KPNA7: variants seen among roughly 807,000 people sequenced by gnomAD.
The protein encoded by KPNA7 is importin subunit alpha-8.
Under a neutral mutation model 53.7 loss-of-function variants are expected in KPNA7, and 54 were observed. The observed-to-expected ratio is 1.01, with a 90% confidence interval of 0.81 to 1.26. The LOEUF (loss-of-function observed/expected upper bound fraction) is 1.26, where lower values mean the gene tolerates loss of function less well. Among genes scored for constraint, KPNA7 ranks in the 50% most tolerant of loss-of-function variants. KPNA7 has a pLI of 0.00. For missense variants in KPNA7, 640 were observed against 644.5 expected (o/e 0.99, Z 0.07); for synonymous variants, 276 against 259.3 (o/e 1.06, Z -0.62).
the KPNA7 span, among the ~76,000 whole-genome samples, chr7:99,162,737 T>A: frequency 6.6e-6 from 1 of 152,152 alleles, no homozygotes; most frequent in African/African-American, 2.4e-5. Context: ...GGCTTCCAGC[T>A]CTTTTAATTA....
rs565062037 is a variant in KPNA7 at position 99,195,223 on chromosome 7, C to T, written c.400G>A (p.Ala134Thr). 1.9e-6 allele frequency: 3 copies of T among 1,551,472 alleles called. No homozygotes were observed. The highest frequency in any genetic ancestry group is 2.6e-6 in the Non-Finnish European group (3 of 1,147,004). Residue 134 changes from alanine (A) to threonine (T), a missense_variant, in exon 5 of 11, where the codon GCT (alanine) becomes ACT (threonine). Coordinates refer to ENST00000327442, the MANE Select transcript of KPNA7 (RefSeq NM_001145715.3). ...SSLYPCLQFE[A>T]AWALTNIASG... ...GCGATGTTGGTCAGGGCCCAGGCAG[C>T]CTCAAACTGCAAGCAGGGGTAAAGT...
At chr7:99,193,244 A>G (rs761020605) in intron 5 of KPNA7, 143 bp from the exon 6 acceptor site, 11 of 516,082 alleles carry the variant, frequency 2.1e-5, no homozygotes, top group Non-Finnish European at 3.7e-5. Flanking sequence ...GCCACGTACT[A>G]AATTCTGGAA....
At chr7:99,160,573 A>G in the KPNA7 span, among the ~76,000 whole-genome samples, 1 of 152,052 alleles carries the variant, frequency 6.6e-6, no homozygotes, top group Admixed American at 6.6e-5. Flanking sequence ...TTCAGGTTTG[A>G]GTCACTGCAC....
At chr7:99,154,569 G>A in the KPNA7 span, among the ~76,000 whole-genome samples, 7 of 144,256 alleles carry the variant, frequency 4.9e-5, no homozygotes, top group South Asian at 4.4e-4. Flanking sequence ...TCGCTCTGTC[G>A]CCCAGGCTGG....
intron 3 of KPNA7, 37 bp from the exon 4 acceptor site, chr7:99,196,203 C>A: frequency 6.9e-7 from 1 of 1,444,002 alleles, no homozygotes; most frequent in South Asian, 1.2e-5. Context: ...GACTGTCTGC[C>A]AAAATGAGCT....
intron 4 of KPNA7, 85 bp downstream of exon 4, chr7:99,195,999 C>A: frequency 6.1e-6 from 7 of 1,138,878 alleles, no homozygotes; most frequent in Non-Finnish European, 8.9e-6. Flanking sequence ...TGCCAAGAAA[C>A]CAAATAGGCC....
the KPNA7 span, among the ~76,000 whole-genome samples, chr7:99,167,370 A>G: frequency 6.6e-6 from 1 of 152,176 alleles, no homozygotes; most frequent in East Asian, 1.9e-4. Flanking sequence ...AGCGAAGCTG[A>G]GCTCCGCCTC....
chr7:99,177,210 A>C (rs1798936948), intron 10 of KPNA7, among the ~76,000 whole-genome samples: 1 of 152,190 alleles, frequency 6.6e-6, no homozygotes, highest in East Asian at 1.9e-4. Flanking sequence ...ATGGTTACTA[A>C]AAGGGCTAGG....
chr7:99,177,888 T>C (rs62473048), intron 10 of KPNA7, 32 bp downstream of exon 10: 342,659 of 1,549,028 alleles, frequency 0.22, 39,617 homozygotes, highest in South Asian at 0.33. Flanking sequence ...CCAAGACCCC[T>C]GGATACTCCT....
intron 10 of KPNA7, among the ~76,000 whole-genome samples, chr7:99,177,572 CAAAAAAAAAAAAA>C (rs34717081): frequency 7.2e-5 from 3 of 41,762 alleles, no homozygotes; most frequent in Admixed American, 2.5e-4. Context: ...GAAACCATCT[CAAAAAAAAAAAAA>C]AAAAAAAAAA....
the KPNA7 span, among the ~76,000 whole-genome samples, chr7:99,153,608 CAG>C: frequency 2.7e-5 from 4 of 149,636 alleles, no homozygotes; most frequent in East Asian, 7.9e-4. Flanking sequence ...TGTCCAAAAA[CAG>C]ACTTTGGTTT....
In KPNA7 at chr7:99,196,135, C is replaced by G. The variant is rs1333449348; in HGVS notation, c.233G>C (p.Gly78Ala). The G allele has an allele frequency of 6.4e-7, 1 of 1,551,680 alleles. No individual in the cohort carries two copies. Among genetic ancestry groups the G allele is most frequent in the Non-Finnish European group, 8.7e-7 (1 of 1,146,998 alleles). The stretch of plus-strand genomic sequence containing the variant: ...TAGGACTGGATCTGAGCTATTCACA[C>G]CTTTGATTATTTCACCCAGAGTGAG... Reference protein sequence around the residue: ...VSLTLGEIIKGVNSSDPVLCF... With the variant: ...VSLTLGEIIKAVNSSDPVLCF... The change falls in exon 4 of 11, where the codon GGT (glycine) becomes GCT (alanine). Residue 78 changes from glycine to alanine, a missense_variant. Gly to Ala is a moderately conservative substitution (Grantham distance 60, BLOSUM62 0). Transcript: ENST00000327442.
intron 10 of KPNA7, 25 bp from the exon 11 acceptor site, chr7:99,173,819 A>T: frequency 1.5e-6 from 2 of 1,357,832 alleles, no homozygotes; most frequent in Non-Finnish European, 2.1e-6. Flanking sequence ...AGACACTGTT[A>T]TACCTCCAGG....
chr7:99,196,178 GAC>G lies in KPNA7; in HGVS notation c.202-14_202-13del, dbSNP rs1187672341. Reference sequence around the variant, plus strand: ...AGAGTGAGGCTGACCTGCAAGAAGAGACACATTCAGGTCAGACTGTCTGCCAA... The same window carrying G: ...AGAGTGAGGCTGACCTGCAAGAAGAGACATTCAGGTCAGACTGTCTGCCAA... On this transcript the variant is annotated splice_polypyrimidine_tract_variant and intron_variant, in intron 3 of 10. Transcript: ENST00000327442. 1 of 1,543,454 alleles carries G rather than the reference GAC, an allele frequency of 6.5e-7. No individual in the cohort carries two copies.
At chr7:99,175,592 T>A (rs915522703) in intron 10 of KPNA7, among the ~76,000 whole-genome samples, 3 of 152,028 alleles carry the variant, frequency 2.0e-5, no homozygotes, top group African/African-American at 7.2e-5. Context: ...CTTGGCTCAC[T>A]GCAACCTCTG....
chr7:99,169,973 C>T (rs1209082617), downstream of KPNA7, among the ~76,000 whole-genome samples: 1 of 150,958 alleles, frequency 6.6e-6, no homozygotes, highest in Non-Finnish European at 1.5e-5. Context: ...ACCCAGGAGG[C>T]GGAGGTTGCA....
In KPNA7 at chr7:99,201,157, G is replaced by C. The variant is rs372081884; in HGVS notation, c.201+1949C>G. 1.2e-4 allele frequency among the ~76,000 whole-genome samples: 19 copies of C among 152,244 alleles called. No individual in the cohort carries two copies. In the East Asian group the frequency reaches 2.1e-3, roughly 17 times the overall value. On this transcript the variant is annotated intron_variant, in intron 3 of 10. Transcript: ENST00000327442. ...AATGTCTAGAACAGGTCATTCCAGA[G>C]AGGCAGAAAGTAGACTAGTGTTTGC...
chr7:99,200,695 G>T (rs1790479567), intron 3 of KPNA7, among the ~76,000 whole-genome samples: 3 of 152,060 alleles, frequency 2.0e-5, no homozygotes, highest in Admixed American at 6.6e-5. Context: ...AATAAACAAG[G>T]CCAGACACGG....
the KPNA7 span, among the ~76,000 whole-genome samples, chr7:99,151,453 TTTTGG>T: frequency 1.9e-5 from 2 of 108,026 alleles, no homozygotes; most frequent in Admixed American, 2.0e-4. Context: ...GTTTGTTTGT[TTTTGG>T]TTTTTTTTTT....
Sources: gnomAD v4.1 joint callset for allele counts (sites outside exome capture counted in the v4.1 genomes callset) on GRCh38, gnomAD v4.1.1 for gene constraint, MANE v1.5 for transcripts, NCBI Gene and HGNC (gene_info 2026-07-23, HGNC 2026-07-21) for gene names.